Variants in GRIN2A observed in about 807,000 individuals in gnomAD.
GRIN2A encodes the protein glutamate receptor ionotropic, NMDA 2A.
GRIN2A carries 22 observed loss-of-function variants against 113.4 expected under a neutral mutation model. The observed-to-expected ratio is 0.19, with a 90% CI of 0.14 to 0.28. The LOEUF (loss-of-function observed/expected upper bound fraction) is 0.28. Among genes scored for constraint, GRIN2A ranks in the 10% least tolerant of loss-of-function variants. The pLI is 1.00. For missense variants in GRIN2A, 1,502 were observed against 1,887.0 expected (o/e 0.80, Z 3.78); for synonymous variants, 827 against 738.4 (o/e 1.12, Z -1.94).
intron 12 of GRIN2A, among the ~76,000 whole-genome samples, chr16:9,767,042 C>T (rs146927484): frequency 7.5e-4 from 114 of 152,330 alleles, no homozygotes; most frequent in African/African-American, 2.5e-3. Flanking sequence ...GTAAACGCAA[C>T]AGTGTGCATT....
chr16:9,983,175 T>C (rs1159294256), intron 2 of GRIN2A, among the ~76,000 whole-genome samples: 1 of 152,216 alleles, frequency 6.6e-6, no homozygotes. Flanking sequence ...TTTTTAACTA[T>C]GGTCATCCTA....
intron 2 of GRIN2A, among the ~76,000 whole-genome samples, chr16:10,076,964 C>T (rs1488090606): frequency 3.3e-5 from 5 of 152,188 alleles, no homozygotes; most frequent in Non-Finnish European, 2.9e-5. Context: ...GGAATTTATC[C>T]TGGATGACCT....
intron 2 of GRIN2A, among the ~76,000 whole-genome samples, chr16:9,939,680 G>C (rs922867275): frequency 6.6e-6 from 1 of 152,150 alleles, no homozygotes; most frequent in African/African-American, 2.4e-5. Context: ...CACAGAGCAA[G>C]TAGACATCTG....
intron 2 of GRIN2A, among the ~76,000 whole-genome samples, chr16:10,030,119 T>A (rs2046901280): frequency 6.6e-6 from 1 of 152,176 alleles, no homozygotes; most frequent in South Asian, 2.1e-4. Flanking sequence ...CAAGCTGGGC[T>A]GCCTATGGAC....
intron 11 of GRIN2A, among the ~76,000 whole-genome samples, chr16:9,782,933 A>G (rs143152409): frequency 1.4e-4 from 22 of 152,338 alleles, no homozygotes; most frequent in African/African-American, 4.3e-4. Context: ...TCACAGGCCA[A>G]TGGAGAAGCA....
chr16:10,040,548 C>T (rs2047143950), intron 2 of GRIN2A, among the ~76,000 whole-genome samples: 1 of 150,004 alleles, frequency 6.7e-6, no homozygotes, highest in Non-Finnish European at 1.5e-5. Flanking sequence ...TGCACACTCA[C>T]AGCAGACATA....
At chr16:9,957,255 A>G (rs1236186475) in intron 2 of GRIN2A, among the ~76,000 whole-genome samples, 1 of 152,018 alleles carries the variant, frequency 6.6e-6, no homozygotes, top group Non-Finnish European at 1.5e-5. Flanking sequence ...CCAGCCCCTA[A>G]TTTTACTCAG....
chr16:10,086,645 A>T (rs191428695), intron 2 of GRIN2A, among the ~76,000 whole-genome samples: 1 of 151,694 alleles, frequency 6.6e-6, no homozygotes, highest in Admixed American at 6.6e-5. Flanking sequence ...AGAAAAAAAT[A>T]TCTGGCTACA....
chr16:10,053,295 C>T (rs140418560), intron 2 of GRIN2A, among the ~76,000 whole-genome samples: 1 of 152,180 alleles, frequency 6.6e-6, no homozygotes, highest in Non-Finnish European at 1.5e-5. Flanking sequence ...ATCTACAGGA[C>T]CTTAAATGTC....
chr16:9,871,787 T>C (rs751934408), intron 4 of GRIN2A, among the ~76,000 whole-genome samples: 2 of 152,242 alleles, frequency 1.3e-5, no homozygotes, highest in Non-Finnish European at 2.9e-5. Context: ...TTAGGCACTT[T>C]TTTTTTGGAA....
At chr16:9,954,273 G>A (rs1212226302) in intron 2 of GRIN2A, among the ~76,000 whole-genome samples, 5 of 152,150 alleles carry the variant, frequency 3.3e-5, no homozygotes, top group Non-Finnish European at 5.9e-5. Context: ...TCCTTACAGA[G>A]AAAACGTAAA....
intron 2 of GRIN2A, among the ~76,000 whole-genome samples, chr16:10,031,043 G>A (rs1239314501): frequency 2.6e-5 from 4 of 152,204 alleles, no homozygotes; most frequent in African/African-American, 7.2e-5. Context: ...CTGAACTCGG[G>A]AAAGTGGTGT....
At position 9,759,611 on chromosome 16, in the gene GRIN2A, T is replaced by A. The variant is rs1437454755; in HGVS notation, c.*3538A>T. On this transcript the variant is annotated 3_prime_UTR_variant, in exon 13 of 13. Transcript: ENST00000330684. ...TAATGCTTTCACCAGAAAAACTAAA[T>A]ACTCAGACTCTCTGGCATCCTGTGA... is the stretch of plus-strand genomic sequence containing the variant. The A allele has an allele frequency of 4.4e-6, 1 of 229,470 alleles. No homozygotes were observed. Among genetic ancestry groups the A allele is most frequent in the Non-Finnish European group, 8.6e-6 (1 of 115,832 alleles). The allele number at this position is 229,470 out of a possible 1,614,324, so 14.2% of individuals were successfully genotyped here.
chr16:10,000,174 C>G (rs2046295752), intron 2 of GRIN2A, among the ~76,000 whole-genome samples: 1 of 152,286 alleles, frequency 6.6e-6, no homozygotes, highest in African/African-American at 2.4e-5. Flanking sequence ...CTCCCCATTT[C>G]AAGAGCCTTA....
At position 9,834,184 on chromosome 16, in the gene GRIN2A, G is replaced by A. The variant is rs367543142; in HGVS notation, c.1698C>T (p.Leu566=). 15 of 1,613,336 alleles carry A rather than the reference G, an allele frequency of 9.3e-6. No individual in the cohort carries two copies. The highest frequency in any genetic ancestry group is 1.1e-5 in the South Asian group (1 of 91,062). The change falls in exon 8 of 13, where the codon CTC becomes CTT. Residue 566 remains leucine, a synonymous_variant. Coordinates refer to ENST00000330684, the MANE Select transcript of GRIN2A (RefSeq NM_001134407.3). ...SVWVMMFVML[L]IVSAIAVFVF... ...CAAAAACAGCTATGGCAGAAACAAT[G>A]AGCAGCATCACAAACATCATCACCC...
chr16:9,932,550 ATT>A (rs57484036), intron 3 of GRIN2A, among the ~76,000 whole-genome samples: 1 of 142,530 alleles, frequency 7.0e-6, no homozygotes, highest in African/African-American at 2.6e-5. Context: ...TAAAGTTTGT[ATT>A]TTTTTTTTTT....
intron 2 of GRIN2A, among the ~76,000 whole-genome samples, chr16:10,130,988 G>A (rs1215766735): frequency 2.0e-5 from 3 of 152,194 alleles, no homozygotes; most frequent in Non-Finnish European, 4.4e-5. Flanking sequence ...GTGCCCTCAA[G>A]GTTCAGGAGG....
At chr16:10,033,086 T>G (rs1414182327) in intron 2 of GRIN2A, among the ~76,000 whole-genome samples, 1 of 152,174 alleles carries the variant, frequency 6.6e-6, no homozygotes, top group African/African-American at 2.4e-5. Flanking sequence ...TATACCTATA[T>G]TGGGGTGAAT....
At chr16:10,094,013 C>T (rs1301194043) in intron 2 of GRIN2A, among the ~76,000 whole-genome samples, 1 of 152,174 alleles carries the variant, frequency 6.6e-6, no homozygotes. Context: ...AAACCCATGT[C>T]TCCTGTCCTC....
Sources: gnomAD v4.1 joint callset for allele counts (sites outside exome capture counted in the v4.1 genomes callset) on GRCh38, gnomAD v4.1.1 for gene constraint, MANE v1.5 for transcripts, NCBI Gene and HGNC (gene_info 2026-07-23, HGNC 2026-07-21) for gene names.